PALD1: variants seen among roughly 807,000 people sequenced by gnomAD.
PALD1 encodes the protein paladin.
PALD1 carries 57 observed loss-of-function variants against 96.0 expected under a neutral mutation model. The observed-to-expected ratio is 0.59, with a 90% CI of 0.48 to 0.74. PALD1 has a LOEUF of 0.74. PALD1 is among the 30% of genes least tolerant of loss of function. The pLI, the probability that PALD1 is intolerant of heterozygous loss-of-function variation, is 0.00. For synonymous variants in PALD1, 464 were observed against 473.6 expected (o/e 0.98, Z 0.26); for missense variants, 1,063 against 1,143.7 (o/e 0.93, Z 1.02).
Position 70,534,745 on chromosome 10 carries a change from A to G in PALD1, c.1129A>G (p.Arg377Gly). 1 of 1,598,174 alleles carries G rather than the reference A, an allele frequency of 6.3e-7. No individual in the cohort carries two copies. Among genetic ancestry groups the G allele is most frequent in the Non-Finnish European group, 8.5e-7 (1 of 1,170,668 alleles). Residue 377 changes from arginine to glycine, a missense_variant, in exon 10 of 20, where the codon AGA becomes GGA. Coordinates refer to ENST00000263563, the MANE Select transcript of PALD1 (RefSeq NM_014431.3). ...QGRRMVEEVD[R>G]AITACAELHD... ...CCTTGGTCTCTGGCACCAGGTGGAC[A>G]GAGCCATCACTGCCTGTGCCGAGTT...
chr10:70,545,154 G>C (rs1423218762), intron 17 of PALD1, among the ~76,000 whole-genome samples: 1 of 151,870 alleles, frequency 6.6e-6, no homozygotes, highest in Admixed American at 6.5e-5. Flanking sequence ...CACGGGACAG[G>C]GCGCTGTGGG....
chr10:70,492,908 G>C (rs569444278), intron 1 of PALD1, among the ~76,000 whole-genome samples: 10 of 152,316 alleles, frequency 6.6e-5, no homozygotes, highest in African/African-American at 2.4e-4. Context: ...GGTATTCATG[G>C]AGTCTGGACT....
chr10:70,529,945 G>A lies in PALD1; in HGVS notation c.345G>A (p.Val115=), dbSNP rs2275059. 256,314 of 1,613,310 alleles carry A rather than the reference G, an allele frequency of 0.16. 24,005 individuals are homozygous for A. The highest frequency in any genetic ancestry group is 0.46 in the East Asian group (20,550 of 44,770). The change falls in exon 4 of 20, where the codon GTG becomes GTA. Residue 115 remains valine (V), a synonymous_variant. Transcript: ENST00000263563. The stretch of plus-strand genomic sequence containing the variant: ...AGAAGATGGATGTGCTGGGCACCGT[G>A]GGAAGCTGTGGGGCCCCCAACTTCC... The part of the protein sequence containing the change: ...VTEKMDVLGT[V]GSCGAPNFRQ...
At position 70,540,369 on chromosome 10, in the gene PALD1, T is replaced by C. The variant is rs776173253; in HGVS notation, c.1908+607T>C. On this transcript the variant is annotated intron_variant, in intron 15 of 19. Coordinates refer to ENST00000263563, the MANE Select transcript of PALD1 (RefSeq NM_014431.3). This position sits in a 1 kb window ranked among gnomAD's most constrained non-coding sequence, Gnocchi z 4.2. The stretch of plus-strand genomic sequence containing the variant: ...GGGGCTGTGTGTGGAAAACCATCTT[T>C]AGGGGAGTGGTGTGGTGTGTGGTAG... 6.6e-6 allele frequency among the ~76,000 whole-genome samples: 1 copy of C among 151,692 alleles called. No homozygotes were observed. Among genetic ancestry groups the C allele is most frequent in the Non-Finnish European group, 1.5e-5 (1 of 67,924 alleles).
the PALD1 span, among the ~76,000 whole-genome samples, chr10:70,460,232 T>C: frequency 6.6e-6 from 1 of 152,102 alleles, no homozygotes; most frequent in Non-Finnish European, 1.5e-5. Context: ...AGGCTGTGCT[T>C]CGACTTCTCT....
At chr10:70,502,960 A>G (rs953003799) in intron 1 of PALD1, among the ~76,000 whole-genome samples, 1 of 152,000 alleles carries the variant, frequency 6.6e-6, no homozygotes, top group Non-Finnish European at 1.5e-5. Context: ...GGCTCACTGC[A>G]TCATCTACCT....
chr10:70,489,724 A>G lies in PALD1; in HGVS notation c.-30+10665A>G, dbSNP rs558208601. Among the ~76,000 whole-genome samples the G allele has an allele frequency of 6.6e-5, 10 of 152,312 alleles. No individual in the cohort carries two copies. In the East Asian group the frequency reaches 1.5e-3, roughly 23 times the overall value. ...ATTCACTCATTTAGTAGCTTTTAGTACATTCAAAGAGCTGTTGTCTCACCA... is the reference window on the plus strand; with the variant it reads ...ATTCACTCATTTAGTAGCTTTTAGTGCATTCAAAGAGCTGTTGTCTCACCA... On this transcript the variant is annotated intron_variant, in intron 1 of 19. Transcript: ENST00000263563.
the PALD1 span, among the ~76,000 whole-genome samples, chr10:70,470,573 ATTAT>A: frequency 7.1e-6 from 1 of 141,822 alleles, no homozygotes; most frequent in African/African-American, 2.8e-5. Context: ...AATAAATAAT[ATTAT>A]TTTTTATTAT....
chr10:70,500,118 A>T (rs1389395987), intron 1 of PALD1, among the ~76,000 whole-genome samples: 1 of 152,198 alleles, frequency 6.6e-6, no homozygotes, highest in African/African-American at 2.4e-5. Context: ...GCTCGAGCCC[A>T]CACAGTCTGC....
the PALD1 span, among the ~76,000 whole-genome samples, chr10:70,465,695 G>C: frequency 6.6e-6 from 1 of 152,258 alleles, no homozygotes; most frequent in Non-Finnish European, 1.5e-5. Flanking sequence ...GCCACTCAGG[G>C]AGGGGTGAAG....
At chr10:70,487,707 AC>A (rs1273186473) in intron 1 of PALD1, among the ~76,000 whole-genome samples, 11 of 151,996 alleles carry the variant, frequency 7.2e-5, no homozygotes, top group Non-Finnish European at 1.5e-4. Flanking sequence ...AAAAAAAAAA[AC>A]AAAAAAACAA....
At chr10:70,538,508 C>T in intron 12 of PALD1, 100 bp downstream of exon 12, 11 of 1,259,022 alleles carry the variant, frequency 8.7e-6, no homozygotes, top group Non-Finnish European at 1.2e-5. Context: ...ATTGCCCTTG[C>T]AGGAGGTGAA....
At chr10:70,513,092 A>C (rs1489064105) in intron 1 of PALD1, among the ~76,000 whole-genome samples, 1 of 152,324 alleles carries the variant, frequency 6.6e-6, no homozygotes, top group East Asian at 1.9e-4. Context: ...AACCAGGAGG[A>C]ATCCATGGAG....
intron 1 of PALD1, among the ~76,000 whole-genome samples, chr10:70,505,882 A>G (rs911484687): frequency 6.6e-6 from 1 of 151,960 alleles, no homozygotes; most frequent in African/African-American, 2.4e-5. Flanking sequence ...TTAGCCGGGC[A>G]TGGTGGCGCA....
chr10:70,477,820 G>C (rs776768681), upstream of PALD1, among the ~76,000 whole-genome samples: 9 of 152,222 alleles, frequency 5.9e-5, no homozygotes, highest in Non-Finnish European at 1.2e-4. Context: ...GAGGCAGGTG[G>C]TAACAGGTGA....
At chr10:70,566,272 C>T (rs1029863215) in intron 19 of PALD1, among the ~76,000 whole-genome samples, 1 of 152,232 alleles carries the variant, frequency 6.6e-6, no homozygotes, top group African/African-American at 2.4e-5. Context: ...TCCTGGGCGT[C>T]CACGTGGGAG....
At chr10:70,464,469 C>T in the PALD1 span, among the ~76,000 whole-genome samples, 5 of 151,884 alleles carry the variant, frequency 3.3e-5, no homozygotes, top group African/African-American at 1.2e-4. Context: ...CCACCTCGGC[C>T]TCCCAAAGTA....
chr10:70,539,621 C>G lies in PALD1; in HGVS notation c.1767C>G (p.Pro589=). The G allele has an allele frequency of 6.2e-7, 1 of 1,613,186 alleles. No homozygotes were observed. Among genetic ancestry groups the G allele is most frequent in the South Asian group, 1.1e-5 (1 of 91,040 alleles). ...TGAAGGCCCATCTAAGCGAGCCTCCCCCAGGCAAGGAGGGCCCCCTGACCT... is the reference window on the plus strand; with the variant it reads ...TGAAGGCCCATCTAAGCGAGCCTCCGCCAGGCAAGGAGGGCCCCCTGACCT... The part of the protein sequence containing the change: ...AQLKAHLSEP[P]PGKEGPLTYR... Residue 589 remains proline, a synonymous_variant, in exon 15 of 20, where the codon CCC becomes CCG. Transcript: ENST00000263563. This position sits in a 1 kb window ranked among gnomAD's most constrained non-coding sequence, Gnocchi z 4.5.
chr10:70,537,832 G>A lies in PALD1; in HGVS notation c.1249G>A (p.Val417Ile), dbSNP rs774746119. The change falls in exon 11 of 20, where the codon GTC becomes ATC. Residue 417 changes from valine to isoleucine, a missense_variant. Val to Ile is a conservative substitution (Grantham distance 29, BLOSUM62 3). Coordinates refer to ENST00000263563, the MANE Select transcript of PALD1 (RefSeq NM_014431.3). The stretch of plus-strand genomic sequence containing the variant: ...TCAGGGAAGCGGCAGCCGACACAGC[G>A]TCTGGCAGAGGGCGCTGTGGAGCCT... Reference protein sequence around the residue: ...PAQGSGSRHSVWQRALWSLER... With the variant: ...PAQGSGSRHSIWQRALWSLER... The A allele has an allele frequency of 3.5e-5, 57 of 1,613,316 alleles. No homozygotes were observed. Among genetic ancestry groups the A allele is most frequent in the Admixed American group, 6.7e-5 (4 of 60,024 alleles).
Sources: gnomAD v4.1 joint callset for allele counts (sites outside exome capture counted in the v4.1 genomes callset) on GRCh38, gnomAD v4.1.1 for gene constraint, Gnocchi (gnomAD v3.1) non-coding constraint, MANE v1.5 for transcripts, NCBI Gene and HGNC (gene_info 2026-07-23, HGNC 2026-07-21) for gene names.